The following DOCK4 variants were observed in gnomAD, a reference collection of about 807,000 sequenced individuals.
DOCK4 encodes dedicator of cytokinesis protein 4.
In DOCK4, 97 loss-of-function variants were observed where a neutral mutation model predicts 268.1. That is an observed-to-expected ratio of 0.36 (90% CI 0.31 to 0.43). The LOEUF (loss-of-function observed/expected upper bound fraction) is 0.43. Among genes scored for constraint, DOCK4 ranks in the 20% least tolerant of loss-of-function variants. The pLI is 1.00. For synonymous variants in DOCK4, 954 were observed against 887.2 expected (o/e 1.08, Z -1.34); for missense variants, 2,145 against 2,455.7 (o/e 0.87, Z 2.67).
At chr7:111,774,779 A>G (rs556134814) in intron 36 of DOCK4, among the ~76,000 whole-genome samples, 1 of 152,220 alleles carries the variant, frequency 6.6e-6, no homozygotes, top group South Asian at 2.1e-4. Context: ...ACAGAGTGAT[A>G]TCTAGGGAAG....
intron 1 of DOCK4, among the ~76,000 whole-genome samples, chr7:112,021,839 C>T (rs17159164): frequency 0.068 from 10,389 of 152,176 alleles, 1,031 homozygotes; most frequent in African/African-American, 0.21. Context: ...CTTCGCCCTG[C>T]GCTTCCCTAG....
At chr7:111,755,281 T>C (rs112245424) in intron 42 of DOCK4, among the ~76,000 whole-genome samples, 2,572 of 152,270 alleles carry the variant, frequency 0.017, 33 homozygotes, top group Middle Eastern at 0.041. Flanking sequence ...ATAGTTTTTT[T>C]ACATGTAGCA....
At chr7:111,762,305 CAA>C (rs1394235832) in intron 39 of DOCK4, among the ~76,000 whole-genome samples, 1 of 152,084 alleles carries the variant, frequency 6.6e-6, no homozygotes, top group Non-Finnish European at 1.5e-5. Context: ...CAAACATTAA[CAA>C]AATTTAATTT....
chr7:112,057,669 G>A (rs1310988569), intron 1 of DOCK4, among the ~76,000 whole-genome samples: 1 of 151,992 alleles, frequency 6.6e-6, no homozygotes, highest in Non-Finnish European at 1.5e-5. Flanking sequence ...TAGTTACTCA[G>A]GAAGCTGAGT....
At chr7:111,751,397 C>CA (rs1388618802) in intron 42 of DOCK4, among the ~76,000 whole-genome samples, 1 of 152,136 alleles carries the variant, frequency 6.6e-6, no homozygotes, top group Non-Finnish European at 1.5e-5. Context: ...AATTGCAATG[C>CA]ATGGCCCTTA....
At chr7:111,947,605 A>C (rs1795722811) in intron 8 of DOCK4, among the ~76,000 whole-genome samples, 1 of 152,094 alleles carries the variant, frequency 6.6e-6, no homozygotes, top group Non-Finnish European at 1.5e-5. Flanking sequence ...ACCTATACTG[A>C]GGGTGCAGAG....
chr7:112,119,369 A>C (rs1375006471), intron 1 of DOCK4, among the ~76,000 whole-genome samples: 1 of 151,668 alleles, frequency 6.6e-6, no homozygotes, highest in Non-Finnish European at 1.5e-5. Flanking sequence ...AATAAAGGGC[A>C]AATATGTCCA....
intron 1 of DOCK4, among the ~76,000 whole-genome samples, chr7:112,117,184 C>T (rs1812251523): frequency 6.6e-6 from 1 of 152,166 alleles, no homozygotes; most frequent in Non-Finnish European, 1.5e-5. Context: ...AGTCCCATAG[C>T]TTTGCTCCCA....
chr7:111,905,433 T>C (rs7811318), intron 13 of DOCK4, among the ~76,000 whole-genome samples: 31,330 of 152,060 alleles, frequency 0.21, 3,594 homozygotes, highest in African/African-American at 0.29. Context: ...TTCAAAATAC[T>C]ACTGTAGACA....
rs116298544 is a variant in DOCK4 at position 111,858,894 on chromosome 7, T to G, written c.2473+4478A>C. On this transcript the variant is annotated intron_variant, in intron 23 of 52. Transcript: ENST00000428084. The stretch of plus-strand genomic sequence containing the variant: ...TTCTGTTTCTCTGGAGAAATCTGAC[T>G]AATACAGGATTCTAATAAAATGTCA... Among the ~76,000 whole-genome samples, 263 of 151,916 alleles carry G rather than the reference T, an allele frequency of 1.7e-3. 1 individual carries two copies. Among genetic ancestry groups the G allele is most frequent in the African/African-American group, 6.2e-3 (255 of 41,450 alleles).
chr7:112,206,245 G>A lies in DOCK4; in HGVS notation c.-107C>T. 1 of 1,301,696 alleles carries A rather than the reference G, an allele frequency of 7.7e-7. No individual in the cohort carries two copies. The highest frequency in any genetic ancestry group is 1.1e-6 in the Non-Finnish European group (1 of 932,152). 80.6% of individuals were successfully genotyped at this position (1,301,696 alleles called of 1,614,324 possible). On this transcript the variant is annotated 5_prime_UTR_variant, in exon 1 of 53. Transcript: ENST00000428084. ...AGCGCTGCAGTGCCGGAGCCCAGCGGCTTCGCGCGGGCTGCGGGCGCTGGG... is the reference window on the plus strand; with the variant it reads ...AGCGCTGCAGTGCCGGAGCCCAGCGACTTCGCGCGGGCTGCGGGCGCTGGG...
chr7:112,162,565 C>T (rs771475782), intron 1 of DOCK4, among the ~76,000 whole-genome samples: 23 of 151,998 alleles, frequency 1.5e-4, no homozygotes, highest in African/African-American at 3.4e-4. Context: ...CCACACACCC[C>T]ACTCCCCTCT....
intron 42 of DOCK4, among the ~76,000 whole-genome samples, chr7:111,748,459 TAAAC>T (rs773412794): frequency 5.5e-4 from 83 of 152,148 alleles, no homozygotes; most frequent in Admixed American, 4.3e-3. Flanking sequence ...GCAAATGAAT[TAAAC>T]AACCACTTAC....
At chr7:112,129,305 C>G (rs1563113384) in intron 1 of DOCK4, among the ~76,000 whole-genome samples, 1 of 152,116 alleles carries the variant, frequency 6.6e-6, no homozygotes, top group Admixed American at 6.6e-5. Flanking sequence ...ATTTATATAA[C>G]ATTCTGGAAA....
intron 13 of DOCK4, among the ~76,000 whole-genome samples, chr7:111,914,163 C>T: frequency 6.6e-6 from 1 of 152,158 alleles, no homozygotes; most frequent in South Asian, 2.1e-4. Flanking sequence ...TACAGCGTGT[C>T]TCTGCCTGTG....
intron 50 of DOCK4, 97 bp downstream of exon 50, chr7:111,736,820 G>A: frequency 9.5e-7 from 1 of 1,055,788 alleles, no homozygotes; most frequent in Non-Finnish European, 1.4e-6. Context: ...TAAAGAGCTA[G>A]AGCACTGCTT....
chr7:111,788,747 C>A lies in DOCK4; in HGVS notation c.3316G>T (p.Val1106Leu). 6.3e-7 allele frequency: 1 copy of A among 1,583,986 alleles called. No homozygotes were observed. Among genetic ancestry groups the A allele is most frequent in the Non-Finnish European group, 8.6e-7 (1 of 1,163,156 alleles). The change falls in exon 32 of 53, where the codon GTG (valine) becomes TTG (leucine). Residue 1106 changes from valine (V) to leucine (L), a missense_variant and splice_region_variant. This residue lies in a region of DOCK4 where 1,598 missense variants were observed against 1,986.7 expected (regional missense o/e 0.80). Transcript: ENST00000428084. ...AGTTTGTCAATTAGCTTGGCTTCCA[C>A]CTGAAACATACCCAACTATTATTCT... ...EQRRSGNFKQ[V>L]EAKLIDKLDS...
At chr7:112,088,446 T>C (rs1809322778) in intron 1 of DOCK4, among the ~76,000 whole-genome samples, 1 of 152,162 alleles carries the variant, frequency 6.6e-6, no homozygotes, top group African/African-American at 2.4e-5. Flanking sequence ...ACAATACTTA[T>C]TTGCACACAT....
At chr7:111,947,349 T>C (rs115758144) in intron 8 of DOCK4, among the ~76,000 whole-genome samples, 7 of 152,326 alleles carry the variant, frequency 4.6e-5, no homozygotes, top group African/African-American at 1.4e-4. Context: ...GATAGATACG[T>C]TTAACAGAAT....
Sources: allele counts gnomAD v4.1 joint callset (sites outside exome capture counted in the v4.1 genomes callset), GRCh38; gene constraint gnomAD v4.1.1; regional missense constraint gnomAD v4.1.1; transcripts MANE v1.5; gene names NCBI Gene and HGNC (gene_info 2026-07-23, HGNC 2026-07-21).